GRIK1: variants seen among roughly 807,000 people sequenced by gnomAD.
GRIK1 encodes glutamate receptor ionotropic, kainate 1.
GRIK1 carries 69 observed loss-of-function variants against 105.7 expected under a neutral mutation model. The ratio of observed to expected loss-of-function variants is 0.65; its 90% CI spans 0.54 to 0.80. The LOEUF (loss-of-function observed/expected upper bound fraction) is 0.80. GRIK1 is among the 30% of genes least tolerant of loss of function. The pLI is 0.00. For synonymous variants in GRIK1, 438 were observed against 431.3 expected (o/e 1.02, Z -0.19); for missense variants, 1,109 against 1,167.3 (o/e 0.95, Z 0.73).
At chr21:29,624,852 C>T (rs2062086912) in intron 7 of GRIK1, among the ~76,000 whole-genome samples, 1 of 151,620 alleles carries the variant, frequency 6.6e-6, no homozygotes, top group Non-Finnish European at 1.5e-5. Context: ...AGGGCTTGCC[C>T]TCCTTCTCTG....
At chr21:29,872,930 GC>G (rs1476950650) in intron 1 of GRIK1, among the ~76,000 whole-genome samples, 1 of 152,120 alleles carries the variant, frequency 6.6e-6, no homozygotes, top group Non-Finnish European at 1.5e-5. Flanking sequence ...TATATTTGTG[GC>G]CAGTTAGGAA....
intron 1 of GRIK1, among the ~76,000 whole-genome samples, chr21:29,801,165 C>G (rs753298759): frequency 2.0e-5 from 3 of 151,882 alleles, no homozygotes; most frequent in Non-Finnish European, 4.4e-5. Context: ...CTTTGGAATG[C>G]TTTTAAGTTG....
chr21:29,868,649 T>G (rs1056148366), intron 1 of GRIK1, among the ~76,000 whole-genome samples: 1 of 152,220 alleles, frequency 6.6e-6, no homozygotes, highest in Admixed American at 6.5e-5. Flanking sequence ...CTCCTATCTC[T>G]TTCCTGCCTG....
chr21:29,561,604 T>C lies in GRIK1; in HGVS notation c.2356+20A>G. On this transcript the variant is annotated intron_variant, in intron 15 of 17. Transcript: ENST00000327783. ...CTGACATTCTGTATCTCAGTCTTGGTTCATGTCTACCCGTCTTACCAATAG... is the reference window on the plus strand; with the variant it reads ...CTGACATTCTGTATCTCAGTCTTGGCTCATGTCTACCCGTCTTACCAATAG... 1.3e-6 allele frequency: 2 copies of C among 1,490,610 alleles called. No individual in the cohort carries two copies. The highest frequency in any genetic ancestry group is 1.7e-5 in the Admixed American group (1 of 59,866). The allele number at this position is 1,490,610 out of a possible 1,614,324, so 92.3% of individuals were successfully genotyped here. A position where few individuals can be genotyped will look rare whatever the true frequency, so the allele number is the denominator to read the frequency against.
chr21:29,693,251 G>A (rs1188934400), intron 2 of GRIK1, among the ~76,000 whole-genome samples: 1 of 152,174 alleles, frequency 6.6e-6, no homozygotes, highest in Non-Finnish European at 1.5e-5. Flanking sequence ...TTGTCTAGAA[G>A]ATGTCTAAGC....
At chr21:29,922,120 A>T (rs1395267658) in intron 1 of GRIK1, among the ~76,000 whole-genome samples, 1 of 152,150 alleles carries the variant, frequency 6.6e-6, no homozygotes, top group Non-Finnish European at 1.5e-5. Flanking sequence ...ATGCAAGATC[A>T]CCATTAATCT....
chr21:29,750,823 G>A (rs1460330191), intron 1 of GRIK1, among the ~76,000 whole-genome samples: 1 of 152,166 alleles, frequency 6.6e-6, no homozygotes, highest in Non-Finnish European at 1.5e-5. Flanking sequence ...AATAAGATAG[G>A]TTTGATATTT....
intron 1 of GRIK1, among the ~76,000 whole-genome samples, chr21:29,847,052 CTCT>C (rs756895125): frequency 7.9e-5 from 12 of 152,086 alleles, no homozygotes; most frequent in East Asian, 1.9e-4. Flanking sequence ...ATTTTACTGG[CTCT>C]TCTTCTTTCT....
At chr21:29,852,359 C>A (rs2068334688) in intron 1 of GRIK1, among the ~76,000 whole-genome samples, 1 of 152,132 alleles carries the variant, frequency 6.6e-6, no homozygotes, top group Non-Finnish European at 1.5e-5. Flanking sequence ...TTCCTCCTAC[C>A]AAGAAGGCCC....
intron 14 of GRIK1, 40 bp downstream of exon 14, chr21:29,576,924 G>T: frequency 2.9e-6 from 3 of 1,051,122 alleles, no homozygotes; most frequent in South Asian, 2.6e-5. Flanking sequence ...TCTACCACAA[G>T]TATCAGATAA....
chr21:29,568,989 T>G (rs2090674886), intron 14 of GRIK1, among the ~76,000 whole-genome samples: 1 of 152,218 alleles, frequency 6.6e-6, no homozygotes, highest in South Asian at 2.1e-4. Context: ...ACCTACCATC[T>G]GGTAAGTGCT....
chr21:29,712,265 T>G (rs1316120780), intron 1 of GRIK1, among the ~76,000 whole-genome samples: 8 of 152,112 alleles, frequency 5.3e-5, no homozygotes, highest in Admixed American at 2.6e-4. Context: ...ACACAAAAGT[T>G]TATTTAGGTA....
At chr21:29,771,623 C>T (rs183104854) in intron 1 of GRIK1, among the ~76,000 whole-genome samples, 23 of 152,256 alleles carry the variant, frequency 1.5e-4, no homozygotes, top group African/African-American at 3.6e-4. Flanking sequence ...GGTGTTCATA[C>T]GCTTGATGTC....
At chr21:29,577,206 G>A in intron 13 of GRIK1, 25 bp from the exon 14 acceptor site, 2 of 1,298,920 alleles carry the variant, frequency 1.5e-6, no homozygotes, top group Non-Finnish European at 2.2e-6. Context: ...TCAGAGTAAG[G>A]GTGTTAAACA....
chr21:29,897,067 C>T (rs1470378286), intron 1 of GRIK1, among the ~76,000 whole-genome samples: 2 of 152,170 alleles, frequency 1.3e-5, no homozygotes, highest in Admixed American at 6.6e-5. Context: ...TCAGATTACA[C>T]AATACTTCAT....
chr21:29,686,649 G>A (rs939435239), intron 3 of GRIK1, among the ~76,000 whole-genome samples: 1 of 152,216 alleles, frequency 6.6e-6, no homozygotes, highest in African/African-American at 2.4e-5. Context: ...TATTGTCCGT[G>A]TGCTTGCTTG....
intron 4 of GRIK1, among the ~76,000 whole-genome samples, chr21:29,668,748 A>G (rs974839324): frequency 3.3e-5 from 5 of 152,210 alleles, no homozygotes. Flanking sequence ...CCTTTGCTTC[A>G]TTCTTTAAAT....
rs1411496593 is a variant in GRIK1, at chr21:29,620,804, T to G, written c.1099-21867A>C. Reference sequence around the variant, plus strand: ...ATAGATATATATATCTATATATATATAGATATATATATATAGTAATAATAT... The same window carrying G: ...ATAGATATATATATCTATATATATAGAGATATATATATATAGTAATAATAT... On this transcript the variant is annotated intron_variant, in intron 7 of 17. Transcript: ENST00000327783. 3.9e-4 allele frequency among the ~76,000 whole-genome samples: 41 copies of G among 104,848 alleles called. 1 individual carries two copies. Among genetic ancestry groups the G allele is most frequent in the African/African-American group, 2.3e-3 (40 of 17,582 alleles). 68.8% of individuals were successfully genotyped at this position (104,848 alleles called of 152,430 possible).
chr21:29,936,476 A>G (rs897038480), intron 1 of GRIK1, among the ~76,000 whole-genome samples: 4 of 152,182 alleles, frequency 2.6e-5, no homozygotes, highest in African/African-American at 9.6e-5. Context: ...TACATATGTC[A>G]ACTAACTGGT....
Sources: gnomAD v4.1 joint callset for allele counts (sites outside exome capture counted in the v4.1 genomes callset) on GRCh38, gnomAD v4.1.1 for gene constraint, MANE v1.5 for transcripts, NCBI Gene and HGNC (gene_info 2026-07-23, HGNC 2026-07-21) for gene names.